The following KLHL1 variants were observed in gnomAD, a reference collection of about 807,000 sequenced individuals.
KLHL1 encodes kelch like family member 1, also known as kelch-like protein 1.
KLHL1 carries 47 observed loss-of-function variants against 77.7 expected under a neutral mutation model. The ratio of observed to expected loss-of-function variants is 0.60; its 90% CI spans 0.48 to 0.77. The LOEUF (loss-of-function observed/expected upper bound fraction) is 0.77, where lower values mean the gene tolerates loss of function less well. Among genes scored for constraint, KLHL1 ranks in the 30% least tolerant of loss-of-function variants. KLHL1 has a pLI of 0.00. For synonymous variants in KLHL1, 360 were observed against 325.2 expected, an observed-to-expected ratio of 1.11 and a Z score of -1.15; for missense variants, 925 against 910.8, an observed-to-expected ratio of 1.02 and a Z score of -0.20.
At chr13:70,103,198 T>C (rs531295792) in intron 1 of KLHL1, among the ~76,000 whole-genome samples, 4 of 152,164 alleles carry the variant, frequency 2.6e-5, no homozygotes, top group Admixed American at 6.5e-5. Flanking sequence ...ATAGTCTCTA[T>C]GCAAAGAAGG....
In KLHL1 at chr13:69,707,807, A is replaced by G. The variant is rs746088637; in HGVS notation, c.2016-11T>C. ...GTTTTGGGATCATATCTAAAATTCA[A>G]TGACAATAGTACATAACATATTCTA... On this transcript the variant is annotated splice_polypyrimidine_tract_variant and intron_variant, in intron 9 of 10. Transcript: ENST00000377844. 1.9e-6 allele frequency: 3 copies of G among 1,610,416 alleles called. No homozygotes were observed. Among genetic ancestry groups the G allele is most frequent in the Admixed American group, 1.7e-5 (1 of 59,694 alleles).
At chr13:69,954,754 A>C (rs2137259628) in intron 3 of KLHL1, among the ~76,000 whole-genome samples, 1 of 151,330 alleles carries the variant, frequency 6.6e-6, no homozygotes, top group Non-Finnish European at 1.5e-5. Flanking sequence ...CTATTTTGGC[A>C]CAATACTTTT....
At chr13:69,956,037 T>TG (rs1257087983) in intron 3 of KLHL1, among the ~76,000 whole-genome samples, 1 of 106,646 alleles carries the variant, frequency 9.4e-6, no homozygotes, top group East Asian at 2.9e-4. Flanking sequence ...TATATATATT[T>TG]ATATATATTT....
At chr13:69,875,898 A>G (rs532641902) in intron 5 of KLHL1, among the ~76,000 whole-genome samples, 7 of 152,060 alleles carry the variant, frequency 4.6e-5, no homozygotes, top group Middle Eastern at 3.4e-3. Flanking sequence ...AGAGAAGACT[A>G]TCTCAATAAT....
chr13:70,053,249 C>CT, intron 1 of KLHL1, among the ~76,000 whole-genome samples: 1 of 152,096 alleles, frequency 6.6e-6, no homozygotes, highest in South Asian at 2.1e-4. Flanking sequence ...AACAGCAAGA[C>CT]TTTTCCAGGA....
At chr13:69,855,423 GAC>G (rs1879869785) in intron 5 of KLHL1, among the ~76,000 whole-genome samples, 1 of 152,010 alleles carries the variant, frequency 6.6e-6, no homozygotes, top group Non-Finnish European at 1.5e-5. Flanking sequence ...TAGAGATAGA[GAC>G]AGAGATAGAG....
At chr13:69,835,969 A>G (rs1176926301) in intron 6 of KLHL1, among the ~76,000 whole-genome samples, 3 of 152,092 alleles carry the variant, frequency 2.0e-5, no homozygotes, top group African/African-American at 7.2e-5. Context: ...TATCAGACAA[A>G]CTGTTCCCAC....
At chr13:70,044,163 C>T (rs1164148900) in intron 1 of KLHL1, among the ~76,000 whole-genome samples, 2 of 152,176 alleles carry the variant, frequency 1.3e-5, no homozygotes, top group African/African-American at 2.4e-5. Context: ...CTACTTCTCA[C>T]AGCCCAGTTC....
At chr13:69,773,040 A>G (rs1012461896) in intron 7 of KLHL1, among the ~76,000 whole-genome samples, 4 of 151,708 alleles carry the variant, frequency 2.6e-5, no homozygotes, top group Non-Finnish European at 5.9e-5. Context: ...ACCATTACAC[A>G]GGCAGAAAAC....
At chr13:69,732,700 G>T (rs76456755) in intron 8 of KLHL1, among the ~76,000 whole-genome samples, 7,237 of 150,438 alleles carry the variant, frequency 0.048, 232 homozygotes, top group African/African-American at 0.081. Context: ...TTTTCTCACC[G>T]TAGCAGCCCT....
chr13:69,951,093 T>G (rs987631355), intron 3 of KLHL1, among the ~76,000 whole-genome samples: 1 of 147,638 alleles, frequency 6.8e-6, no homozygotes, highest in African/African-American at 2.7e-5. Flanking sequence ...CTTACCTCTT[T>G]GTCTTGTTGA....
intron 7 of KLHL1, among the ~76,000 whole-genome samples, chr13:69,773,887 A>G (rs892749685): frequency 3.3e-5 from 5 of 151,394 alleles, no homozygotes. Context: ...ATATATACAT[A>G]GAATAAAACG....
At chr13:70,067,250 C>G (rs1295354927) in intron 1 of KLHL1, among the ~76,000 whole-genome samples, 1 of 152,312 alleles carries the variant, frequency 6.6e-6, no homozygotes, top group East Asian at 1.9e-4. Flanking sequence ...TGAAAGTACC[C>G]TCTACTCATT....
intron 1 of KLHL1, among the ~76,000 whole-genome samples, chr13:69,990,147 A>G (rs1187156156): frequency 2.6e-5 from 4 of 152,016 alleles, no homozygotes; most frequent in Non-Finnish European, 4.4e-5. Context: ...TGTTATCAAC[A>G]GAACTGCCTT....
intron 9 of KLHL1, among the ~76,000 whole-genome samples, chr13:69,719,069 G>A (rs1417018645): frequency 1.3e-5 from 2 of 150,766 alleles, no homozygotes; most frequent in Non-Finnish European, 2.9e-5. Context: ...AGTATATCAA[G>A]AAGAAATTTA....
chr13:70,049,935 T>A (rs1886589889), intron 1 of KLHL1, among the ~76,000 whole-genome samples: 1 of 151,824 alleles, frequency 6.6e-6, no homozygotes, highest in South Asian at 2.1e-4. Context: ...AACTGCAAAA[T>A]ATTAAACTAG....
intron 6 of KLHL1, among the ~76,000 whole-genome samples, chr13:69,830,433 G>T (rs1593868557): frequency 6.7e-6 from 1 of 149,874 alleles, no homozygotes; most frequent in Admixed American, 6.7e-5. Flanking sequence ...AACACTGGAG[G>T]TCCCAAATTT....
intron 4 of KLHL1, among the ~76,000 whole-genome samples, chr13:69,910,937 C>T (rs1275226488): frequency 6.6e-6 from 1 of 152,048 alleles, no homozygotes; most frequent in African/African-American, 2.4e-5. Context: ...AACTTTACTA[C>T]CATTGTACAA....
At chr13:69,941,850 C>T (rs1318389027) in intron 3 of KLHL1, among the ~76,000 whole-genome samples, 1 of 151,800 alleles carries the variant, frequency 6.6e-6, no homozygotes, top group East Asian at 1.9e-4. Flanking sequence ...TGTGCACAAA[C>T]TAGAAAATCT....
Sources: allele counts gnomAD v4.1 joint callset (sites outside exome capture counted in the v4.1 genomes callset), GRCh38; gene constraint gnomAD v4.1.1; transcripts MANE v1.5; gene names NCBI Gene and HGNC (gene_info 2026-07-23, HGNC 2026-07-21).